DNAH14: variants seen among roughly 807,000 people sequenced by gnomAD.
The protein encoded by DNAH14 is axonemal beta dynein heavy chain 14.
Under a neutral mutation model 520.9 loss-of-function variants are expected in DNAH14, and 478 were observed. The observed-to-expected ratio is 0.92, with a 90% CI of 0.85 to 0.99. The LOEUF is 0.99. DNAH14 is among the 50% of genes least tolerant of loss of function. DNAH14 has a pLI of 0.00. For synonymous variants in DNAH14, 1,581 were observed against 1,757.2 expected, an observed-to-expected ratio of 0.90 and a Z score of 2.51; for missense variants, 4,831 against 5,234.5, an observed-to-expected ratio of 0.92 and a Z score of 2.38.
At position 225,240,665 on chromosome 1, in the gene DNAH14, TG is replaced by T; in HGVS notation, c.6592del (p.Ala2198ProfsTer10). The T allele has an allele frequency of 6.4e-7, 1 of 1,550,954 alleles. No homozygotes were observed. Among genetic ancestry groups the T allele is most frequent in the Non-Finnish European group, 8.7e-7 (1 of 1,146,510 alleles). ...AAATTATTCAAAAGCTTTTTGTGTT[TG>T]CCTTTACTTGGGCATTTGGAGGAGC... ...TKIIQKLFVF[A>X]FTWAFGGALN... On this transcript the variant is annotated frameshift_variant, in exon 43 of 86. Transcript: ENST00000682510. LOFTEE classifies it high-confidence loss of function.
At chr1:224,946,168 T>G (rs543929018) in intron 1 of DNAH14, among the ~76,000 whole-genome samples, 78 of 152,280 alleles carry the variant, frequency 5.1e-4, no homozygotes, top group African/African-American at 1.7e-3. Context: ...GCTGCTTTGT[T>G]TACCTACTCA....
At chr1:225,195,496 G>A (rs143250188) in intron 38 of DNAH14, among the ~76,000 whole-genome samples, 95 of 145,876 alleles carry the variant, frequency 6.5e-4, no homozygotes, top group African/African-American at 2.3e-3. Context: ...AGACACTGGG[G>A]CTTACTTGGT....
chr1:225,337,148 T>A (rs1345766135), intron 66 of DNAH14, 118 bp from the exon 67 acceptor site: 1 of 893,268 alleles, frequency 1.1e-6, no homozygotes, highest in Admixed American at 2.8e-5. Context: ...TTAGCATTTT[T>A]AAACAGTATT....
At chr1:224,948,617 G>A (rs942087913) in intron 1 of DNAH14, among the ~76,000 whole-genome samples, 1 of 151,182 alleles carries the variant, frequency 6.6e-6, no homozygotes, top group Admixed American at 6.6e-5. Context: ...TTTCTCTTTT[G>A]TTCTGACTCT....
At chr1:225,167,587 AC>A (rs1421724437) in intron 35 of DNAH14, among the ~76,000 whole-genome samples, 1 of 152,212 alleles carries the variant, frequency 6.6e-6, no homozygotes, top group Non-Finnish European at 1.5e-5. Flanking sequence ...AAAAAGGTCT[AC>A]AACCTTTTAT....
At chr1:224,997,429 T>G (rs993870374) in intron 8 of DNAH14, among the ~76,000 whole-genome samples, 12 of 148,744 alleles carry the variant, frequency 8.1e-5, no homozygotes, top group African/African-American at 2.3e-4. Flanking sequence ...CAAAGGCAGG[T>G]TTTTTTTTGT....
intron 1 of DNAH14, among the ~76,000 whole-genome samples, 153 bp downstream of exon 1, chr1:224,929,988 C>G (rs918482025): frequency 2.6e-5 from 4 of 151,994 alleles, no homozygotes; most frequent in Admixed American, 2.6e-4. Context: ...TCCGAGTCCC[C>G]GCGCGGAACC....
At chr1:225,101,943 C>T (rs1332494505) in intron 23 of DNAH14, among the ~76,000 whole-genome samples, 1 of 151,248 alleles carries the variant, frequency 6.6e-6, no homozygotes, top group African/African-American at 2.4e-5. Context: ...GCACAACGTG[C>T]AGGTTAGTTA....
intron 84 of DNAH14, among the ~76,000 whole-genome samples, chr1:225,394,001 T>C (rs2095964920): frequency 6.6e-6 from 1 of 152,086 alleles, no homozygotes; most frequent in Non-Finnish European, 1.5e-5. Context: ...TTTGTATTTT[T>C]AGTAGAGACG....
chr1:225,221,017 T>C (rs2090002259), intron 41 of DNAH14, among the ~76,000 whole-genome samples: 1 of 152,188 alleles, frequency 6.6e-6, no homozygotes, highest in South Asian at 2.1e-4. Context: ...TACAACCAGC[T>C]GATCTTCGAG....
chr1:225,182,030 A>C (rs2084080983), intron 36 of DNAH14, among the ~76,000 whole-genome samples: 1 of 151,240 alleles, frequency 6.6e-6, no homozygotes, highest in South Asian at 2.1e-4. Flanking sequence ...TTACTAAAAA[A>C]TAAAAATACC....
chr1:225,316,948 T>C (rs1205958144), intron 60 of DNAH14, among the ~76,000 whole-genome samples: 1 of 152,248 alleles, frequency 6.6e-6, no homozygotes, highest in African/African-American at 2.4e-5. Flanking sequence ...GTGTTTTTCA[T>C]TTTTGATAGT....
intron 3 of DNAH14, among the ~76,000 whole-genome samples, chr1:224,957,028 C>T (rs186529197): frequency 3.9e-5 from 6 of 152,212 alleles, no homozygotes; most frequent in Admixed American, 2.6e-4. Context: ...TGGAAAGGTT[C>T]TAAGCAAGGA....
At chr1:224,968,243 G>A (rs1477185733) in intron 6 of DNAH14, among the ~76,000 whole-genome samples, 1 of 152,032 alleles carries the variant, frequency 6.6e-6, no homozygotes, top group East Asian at 1.9e-4. Context: ...ATAAAAATAT[G>A]TATACTTTTC....
At chr1:224,991,113 G>A (rs1369195807) in intron 8 of DNAH14, among the ~76,000 whole-genome samples, 1 of 8,734 alleles carries the variant, frequency 1.1e-4, no homozygotes, top group Non-Finnish European at 5.0e-4. Flanking sequence ...TTTTTTTTTT[G>A]AGACGGAGTC....
At chr1:225,368,120 GT>G in intron 77 of DNAH14, 88 bp downstream of exon 77, 1 of 1,129,614 alleles carries the variant, frequency 8.9e-7, no homozygotes, top group Non-Finnish European at 1.2e-6. Context: ...AAATGTGAGT[GT>G]TTTACATGGT....
chr1:225,094,702 A>AACC (rs372523894), intron 21 of DNAH14, among the ~76,000 whole-genome samples: 1 of 147,556 alleles, frequency 6.8e-6, no homozygotes, highest in Admixed American at 6.7e-5. Context: ...AAACAAAAAA[A>AACC]CGCTATCAAC....
chr1:224,986,287 A>G (rs1465482411), intron 8 of DNAH14, among the ~76,000 whole-genome samples: 1 of 149,604 alleles, frequency 6.7e-6, no homozygotes, highest in Non-Finnish European at 1.5e-5. Context: ...GGACAGTATT[A>G]CCCTGATACC....
At chr1:225,167,857 A>T in intron 35 of DNAH14, 82 bp from the exon 36 acceptor site, 1 of 736,166 alleles carries the variant, frequency 1.4e-6, no homozygotes, top group Non-Finnish European at 2.1e-6. Context: ...ATTGGTACCT[A>T]GTTAAGAGAG....
Sources: gnomAD v4.1 joint callset for allele counts (sites outside exome capture counted in the v4.1 genomes callset) on GRCh38, gnomAD v4.1.1 for gene constraint, MANE v1.5 for transcripts, NCBI Gene and HGNC (gene_info 2026-07-23, HGNC 2026-07-21) for gene names.